The following ZNF641 variants were observed in gnomAD, a reference collection of about 807,000 sequenced individuals.
ZNF641 encodes zinc finger protein 641.
ZNF641 carries 26 observed loss-of-function variants against 46.2 expected under a neutral mutation model. The ratio of observed to expected loss-of-function variants is 0.56; its 90% CI spans 0.41 to 0.78. The LOEUF is 0.78. Ranked by LOEUF, ZNF641 falls within the 30% of genes least tolerant of loss-of-function variation. The pLI is 0.00. For synonymous variants in ZNF641, 163 were observed against 187.9 expected (o/e 0.87, Z 1.09); for missense variants, 469 against 517.8 (o/e 0.91, Z 0.91).
At position 48,340,553 on chromosome 12, in the gene ZNF641, A is replaced by G. The variant is rs563267681; in HGVS notation, c.*2420T>C. Reference sequence around the variant, plus strand: ...ATGCCTCTGGTACCTTAATCCTTAAAATATTTAGTGACCCTTGCCTTCTAA... The same window carrying G: ...ATGCCTCTGGTACCTTAATCCTTAAGATATTTAGTGACCCTTGCCTTCTAA... On this transcript the variant is annotated 3_prime_UTR_variant, in exon 6 of 6. Transcript: ENST00000547026. 8.1e-6 allele frequency: 8 copies of G among 985,438 alleles called. No homozygotes were observed. In the Admixed American group the frequency reaches 1.8e-4, roughly 23 times the overall value. 61.0% of individuals were successfully genotyped at this position (985,438 alleles called of 1,614,324 possible).
In ZNF641 at chr12:48,340,529, T is replaced by TG. The variant is rs1952694859; in HGVS notation, c.*2443dup. ...CCAGACTCCATCCTTATACCACTGA[T>TG]GCCTCTGGTACCTTAATCCTTAAAA... On this transcript the variant is annotated 3_prime_UTR_variant, in exon 6 of 6. Coordinates refer to ENST00000547026, the MANE Select transcript of ZNF641 (RefSeq NM_001172681.2). The TG allele has an allele frequency of 2.0e-6, 2 of 985,310 alleles. No homozygotes were observed. Among genetic ancestry groups the TG allele is most frequent in the East Asian group, 2.3e-4 (2 of 8,832 alleles). The allele number at this position is 985,310 out of a possible 1,614,324, so 61.0% of individuals were successfully genotyped here.
In ZNF641 at chr12:48,339,812, A is replaced by C. The variant is rs1952678459; in HGVS notation, c.*3161T>G. On this transcript the variant is annotated 3_prime_UTR_variant, in exon 6 of 6. Coordinates refer to ENST00000547026, the MANE Select transcript of ZNF641 (RefSeq NM_001172681.2). ...CATAACATTACTTTGACAAGGGAAA[A>C]GTTTTTCCTTCCACAATTAGAACTA... 5.4e-6 allele frequency: 3 copies of C among 557,744 alleles called. No homozygotes were observed. The highest frequency in any genetic ancestry group is 6.8e-6 in the Non-Finnish European group (3 of 438,778). The allele number at this position is 557,744 out of a possible 1,614,324, so 34.5% of individuals were successfully genotyped here. A position where few individuals can be genotyped will look rare whatever the true frequency, so the allele number is the denominator to read the frequency against.
chr12:48,336,161 A>G (rs1952602957), downstream of ZNF641, among the ~76,000 whole-genome samples: 2 of 152,244 alleles, frequency 1.3e-5, no homozygotes, highest in South Asian at 4.1e-4. Context: ...AAAAATCCAA[A>G]TGTTCAAGAG....
chr12:48,341,747 G>A lies in ZNF641; in HGVS notation c.*1226C>T. On this transcript the variant is annotated 3_prime_UTR_variant, in exon 6 of 6. Transcript: ENST00000547026. ...TCTTGCCTGAAATCAACAAGAAACA[G>A]CTCACCTCCCCAAAGACTCCTCTTT... The A allele has an allele frequency of 1.0e-6, 1 of 985,464 alleles. No individual in the cohort carries two copies. The highest frequency in any genetic ancestry group is 1.2e-6 in the Non-Finnish European group (1 of 829,950). The allele number at this position is 985,464 out of a possible 1,614,324, so 61.0% of individuals were successfully genotyped here.
intron 5 of ZNF641, among the ~76,000 whole-genome samples, chr12:48,344,223 C>T (rs1463601475): frequency 6.6e-6 from 1 of 152,198 alleles, no homozygotes; most frequent in African/African-American, 2.4e-5. Context: ...CAAGGCATTC[C>T]TGAAATGGGT....
At chr12:48,334,996 T>C (rs1158413474), downstream of ZNF641, among the ~76,000 whole-genome samples, 1 of 152,178 alleles carries the variant, frequency 6.6e-6, no homozygotes, top group Non-Finnish European at 1.5e-5. Flanking sequence ...GACCCAGAGC[T>C]AATTGTAATA....
At position 48,343,648 on chromosome 12, in the gene ZNF641, A is replaced by G. The variant is rs1446878245; in HGVS notation, c.600T>C (p.Asp200=). 1.3e-6 allele frequency: 2 copies of G among 1,581,138 alleles called. No individual in the cohort carries two copies. Among genetic ancestry groups the G allele is most frequent in the Non-Finnish European group, 1.7e-6 (2 of 1,163,762 alleles). The change falls in exon 6 of 6, where the codon GAT becomes GAC. Residue 200 remains aspartate, a synonymous_variant. Transcript: ENST00000547026. ...PPRMLSSVSE[D]TVLWNPEHDE... ...CATGCTCCGGGTTCCAGAGAACAGT[A>G]TCTTCAGACACGCTGGATAACATTC...
At chr12:48,335,504 A>G (rs1225072547), downstream of ZNF641, among the ~76,000 whole-genome samples, 3 of 152,226 alleles carry the variant, frequency 2.0e-5, no homozygotes, top group Admixed American at 6.5e-5. Flanking sequence ...AGCAAAATGT[A>G]TCCAATTTAT....
At position 48,343,598 on chromosome 12, in the gene ZNF641, C is replaced by G; in HGVS notation, c.650G>C (p.Ser217Thr). ...EHDESWDSMP[S>T]SSRGMLLGPP... is the part of the protein sequence containing the mutation. Reference sequence around the variant, plus strand: ...CCCCAGGAGCATTCCTCTGGAGCTGCTGGGCATGGAATCCCAGCTCTCATC... The same window carrying G: ...CCCCAGGAGCATTCCTCTGGAGCTGGTGGGCATGGAATCCCAGCTCTCATC... The change falls in exon 6 of 6, where the codon AGC (serine) becomes ACC (threonine). Residue 217 changes from serine (S) to threonine (T), a missense_variant. By Grantham distance (58) the Ser-to-Thr change is moderately conservative. Coordinates refer to ENST00000547026, the MANE Select transcript of ZNF641 (RefSeq NM_001172681.2). 6.2e-7 allele frequency: 1 copy of G among 1,605,464 alleles called. No homozygotes were observed. Among genetic ancestry groups the G allele is most frequent in the East Asian group, 2.2e-5 (1 of 44,784 alleles).
At position 48,342,404 on chromosome 12, in the gene ZNF641, C is replaced by T. The variant is rs143064344; in HGVS notation, c.*569G>A. 1 of 986,006 alleles carries T rather than the reference C, an allele frequency of 1.0e-6. No individual in the cohort carries two copies. The highest frequency in any genetic ancestry group is 1.1e-4 in the East Asian group (1 of 8,808). 61.1% of individuals were successfully genotyped at this position (986,006 alleles called of 1,614,324 possible). On this transcript the variant is annotated 3_prime_UTR_variant, in exon 6 of 6. Transcript: ENST00000547026. ...ATGCCTGATCACTATCTCTTGTTTC[C>T]TTGTTACTCTCTAACCCAGTGTTCA... is the stretch of plus-strand genomic sequence containing the variant.
downstream of ZNF641, among the ~76,000 whole-genome samples, chr12:48,334,685 A>C (rs891129465): frequency 3.3e-5 from 2 of 61,152 alleles, no homozygotes; most frequent in African/African-American, 1.0e-4. Flanking sequence ...TCTATTGAAC[A>C]CAATTAGAAT....
rs571971211 is a variant in ZNF641 at position 48,340,794 on chromosome 12, G to A, written c.*2179C>T. ...GGTTCTGAACCATTGCTTATGCAGA[G>A]CTTTTAGTATTAAAGAGGGAGAGTA... On this transcript the variant is annotated 3_prime_UTR_variant, in exon 6 of 6. Transcript: ENST00000547026. 6 of 985,398 alleles carry A rather than the reference G, an allele frequency of 6.1e-6. No homozygotes were observed. The South Asian group carries it at 2.8e-4, about 46-fold the overall frequency. The allele number at this position is 985,398 out of a possible 1,614,324, so 61.0% of individuals were successfully genotyped here. A position where few individuals can be genotyped will look rare whatever the true frequency, so the allele number is the denominator to read the frequency against.
Position 48,340,249 on chromosome 12 carries a change from C to G in ZNF641, c.*2724G>C. The G allele has an allele frequency of 5.1e-6, 5 of 985,442 alleles. No individual in the cohort carries two copies. In the South Asian group the frequency reaches 1.9e-4, roughly 37 times the overall value. 61.0% of individuals were successfully genotyped at this position (985,442 alleles called of 1,614,324 possible). On this transcript the variant is annotated 3_prime_UTR_variant, in exon 6 of 6. Transcript: ENST00000547026. ...CCCTTCTGTAGAAGGCCCTTAGACTCCATGATGCCTTTCAGCTGGGTGCTA... is the reference window on the plus strand; with the variant it reads ...CCCTTCTGTAGAAGGCCCTTAGACTGCATGATGCCTTTCAGCTGGGTGCTA...
rs1035389272 is a variant in ZNF641, at chr12:48,350,051, C to G, written c.-26+735G>C. The G allele has an allele frequency of 6.8e-6, 11 of 1,614,074 alleles. No homozygotes were observed. The highest frequency in any genetic ancestry group is 1.3e-5 in the African/African-American group (1 of 74,918). ...GCAAAGGATGGGATGGGTACCTGTC[C>G]TCAGCTTGCATTTCCTAAGATATTC... On this transcript the variant is annotated intron_variant, in intron 1 of 5. Transcript: ENST00000547026.
At position 48,343,288 on chromosome 12, in the gene ZNF641, A is replaced by T. The variant is rs1191735269; in HGVS notation, c.960T>A (p.His320Gln). Residue 320 changes from histidine to glutamine, a missense_variant, in exon 6 of 6, where the codon CAT becomes CAA. Physicochemically the swap from His to Gln is conservative, Grantham distance 24. Around this residue, in one of 3 missense-constraint regions of ZNF641, gnomAD observed 346 missense variants for 354.0 expected, o/e 0.98. Coordinates refer to ENST00000547026, the MANE Select transcript of ZNF641 (RefSeq NM_001172681.2). Reference protein sequence around the residue: ...ECGKNFRCNSHLASHQRVHAE... With the variant: ...ECGKNFRCNSQLASHQRVHAE... Reference sequence around the variant, plus strand: ...CATGCACTCTCTGGTGGCTGGCCAGATGGGAGTTGCATCGGAAATTCTTAC... The same window carrying T: ...CATGCACTCTCTGGTGGCTGGCCAGTTGGGAGTTGCATCGGAAATTCTTAC... 1 of 1,614,212 alleles carries T rather than the reference A, an allele frequency of 6.2e-7. No homozygotes were observed. The highest frequency in any genetic ancestry group is 1.7e-5 in the Admixed American group (1 of 60,024).
In ZNF641 at chr12:48,345,370, T is replaced by C. The variant is rs1952840488; in HGVS notation, c.381A>G (p.Glu127=). Residue 127 remains glutamate (E), a synonymous_variant, in exon 4 of 6, where the codon GAA becomes GAG. Transcript: ENST00000547026. ...TDFYGEYVMQ[E]NCGIVVSLRF... ...TCAGAGAGACTACTATCCCACAGTT[T>C]TCCTGCATGACATATTCTCCATAAA... is the stretch of plus-strand genomic sequence containing the variant. 1 of 1,614,024 alleles carries C rather than the reference T, an allele frequency of 6.2e-7. No homozygotes were observed. Among genetic ancestry groups the C allele is most frequent in the Admixed American group, 1.7e-5 (1 of 60,000 alleles).
downstream of ZNF641, among the ~76,000 whole-genome samples, chr12:48,334,626 C>T (rs1375951837): frequency 6.6e-6 from 1 of 152,042 alleles, no homozygotes; most frequent in African/African-American, 2.4e-5. Flanking sequence ...CACGTGAATG[C>T]GAGTGGAAGA....
At position 48,341,153 on chromosome 12, in the gene ZNF641, C is replaced by G. The variant is rs1271464283; in HGVS notation, c.*1820G>C. On this transcript the variant is annotated 3_prime_UTR_variant, in exon 6 of 6. Coordinates refer to ENST00000547026, the MANE Select transcript of ZNF641 (RefSeq NM_001172681.2). ...AGGACTCTGAGGAGCTGTGATTCAC[C>G]CAGTTTTTCCTGCAAAAGGCACAGT... 31 of 985,392 alleles carry G rather than the reference C, an allele frequency of 3.1e-5. No individual in the cohort carries two copies. Among genetic ancestry groups the G allele is most frequent in the Non-Finnish European group, 8.4e-6 (7 of 829,932 alleles). The allele number at this position is 985,392 out of a possible 1,614,324, so 61.0% of individuals were successfully genotyped here.
At chr12:48,337,114 C>CT (rs1168605316), downstream of ZNF641, 1 of 152,222 alleles carries the variant, frequency 6.6e-6, no homozygotes, top group Non-Finnish European at 1.5e-5. Context: ...CTGTGGTAGT[C>CT]TTTTTTGTCA....
Sources: gnomAD v4.1 joint callset for allele counts (sites outside exome capture counted in the v4.1 genomes callset) on GRCh38, gnomAD v4.1.1 for gene constraint, gnomAD v4.1.1 regional missense constraint, MANE v1.5 for transcripts, NCBI Gene and HGNC (gene_info 2026-07-23, HGNC 2026-07-21) for gene names.